The following FMN1 variants were observed in gnomAD, a reference collection of about 807,000 sequenced individuals.
FMN1 encodes the protein formin 1.
FMN1 carries 110 observed loss-of-function variants against 132.4 expected under a neutral mutation model. The observed-to-expected ratio is 0.83, with a 90% CI of 0.71 to 0.97. FMN1 has a LOEUF of 0.97. Ranked by LOEUF, FMN1 falls within the 50% of genes least tolerant of loss-of-function variation. FMN1 has a pLI of 0.00. For synonymous variants in FMN1, 722 were observed against 651.7 expected (o/e 1.11, Z -1.64); for missense variants, 1,792 against 1,705.3 (o/e 1.05, Z -0.90).
chr15:32,971,191 T>G (rs776511423), intron 7 of FMN1, among the ~76,000 whole-genome samples: 1 of 152,246 alleles, frequency 6.6e-6, no homozygotes, highest in Non-Finnish European at 1.5e-5. Context: ...TATAAAATAG[T>G]AGGCATTATG....
At chr15:32,857,719 T>A (rs1019426414) in intron 16 of FMN1, among the ~76,000 whole-genome samples, 1 of 152,232 alleles carries the variant, frequency 6.6e-6, no homozygotes, top group Non-Finnish European at 1.5e-5. Flanking sequence ...TTACTTCAGA[T>A]AGACTATCTA....
At chr15:32,979,793 A>G (rs1323266194) in intron 7 of FMN1, among the ~76,000 whole-genome samples, 1 of 152,156 alleles carries the variant, frequency 6.6e-6, no homozygotes, top group African/African-American at 2.4e-5. Flanking sequence ...AAAGCATACC[A>G]AAGTCATTTG....
intron 5 of FMN1, among the ~76,000 whole-genome samples, chr15:33,082,987 G>A (rs934381001): frequency 1.3e-5 from 2 of 152,120 alleles, no homozygotes; most frequent in Non-Finnish European, 2.9e-5. Context: ...TCTTTCCAGA[G>A]CTTTGTAGTT....
At chr15:32,963,889 A>G (rs750151803) in intron 9 of FMN1, among the ~76,000 whole-genome samples, 1 of 151,896 alleles carries the variant, frequency 6.6e-6, no homozygotes, top group Non-Finnish European at 1.5e-5. Context: ...GAAACCAGGG[A>G]AAGCACCAAC....
chr15:32,948,224 T>C (rs2061550886), intron 9 of FMN1, among the ~76,000 whole-genome samples: 1 of 152,054 alleles, frequency 6.6e-6, no homozygotes, highest in South Asian at 2.1e-4. Context: ...TTTTAATTAT[T>C]TATAAAAAGC....
intron 4 of FMN1, among the ~76,000 whole-genome samples, chr15:33,102,552 C>G (rs2039334708): frequency 6.6e-6 from 1 of 152,058 alleles, no homozygotes. Flanking sequence ...CCCTCCTTCT[C>G]CCTGTCTTCT....
intron 5 of FMN1, among the ~76,000 whole-genome samples, chr15:33,080,896 A>AC (rs2038428805): frequency 6.6e-6 from 1 of 152,050 alleles, no homozygotes; most frequent in African/African-American, 2.4e-5. Context: ...TCAAAAAAAA[A>AC]AAAAAATTCC....
chr15:32,967,080 C>A (rs2031309697), intron 8 of FMN1, among the ~76,000 whole-genome samples: 1 of 152,232 alleles, frequency 6.6e-6, no homozygotes, highest in South Asian at 2.1e-4. Context: ...ATGTCCTATT[C>A]ATCTACTTTT....
At chr15:33,101,274 T>C (rs1566915665) in intron 4 of FMN1, among the ~76,000 whole-genome samples, 1 of 152,122 alleles carries the variant, frequency 6.6e-6, no homozygotes, top group Non-Finnish European at 1.5e-5. Context: ...GCAAGTTGAG[T>C]ATACTGGAGG....
chr15:33,188,178 CA>C (rs56854679), intron 2 of FMN1, among the ~76,000 whole-genome samples: 135,129 of 148,506 alleles, frequency 0.91, 61,751 homozygotes, highest in East Asian at 0.98. Flanking sequence ...ACTAAAAATG[CA>C]AAAAAAAAAA....
At chr15:32,905,971 T>G (rs1261021668) in intron 12 of FMN1, among the ~76,000 whole-genome samples, 1 of 152,202 alleles carries the variant, frequency 6.6e-6, no homozygotes, top group African/African-American at 2.4e-5. Context: ...CAGTCCTTTT[T>G]GCTGGGTTTG....
rs1484366684 is a variant in FMN1, at chr15:32,770,215, TG to T, written c.*4094del. On this transcript the variant is annotated 3_prime_UTR_variant, in exon 21 of 21. Coordinates refer to ENST00000616417, the MANE Select transcript of FMN1 (RefSeq NM_001277313.2). ...CCGGTCAATGTTACAGCCTGGTTCC[TG>T]GAAAAAGAGCCTGCAAGCGTGCATT... The T allele has an allele frequency of 1.3e-5, 2 of 152,190 alleles. No individual in the cohort carries two copies. The highest frequency in any genetic ancestry group is 4.8e-5 in the African/African-American group (2 of 41,442). The allele number at this position is 152,190 out of a possible 1,614,324, so 9.4% of individuals were successfully genotyped here. A position where few individuals can be genotyped will look rare whatever the true frequency, so the allele number is the denominator to read the frequency against.
intron 11 of FMN1, 45 bp from the exon 12 acceptor site, chr15:32,908,623 A>G (rs765324192): frequency 1.4e-4 from 131 of 922,278 alleles, no homozygotes; most frequent in East Asian, 1.0e-3. Flanking sequence ...AAAAAAAAAA[A>G]GGGAAGTGAG....
At chr15:32,952,255 A>T (rs1315367285) in intron 9 of FMN1, among the ~76,000 whole-genome samples, 1 of 152,246 alleles carries the variant, frequency 6.6e-6, no homozygotes, top group Non-Finnish European at 1.5e-5. Flanking sequence ...AGTATGCTTT[A>T]GGCGTTTTAC....
chr15:33,088,686 A>G, intron 5 of FMN1, 113 bp downstream of exon 5: 1 of 948,236 alleles, frequency 1.1e-6, no homozygotes, highest in Non-Finnish European at 1.5e-6. Context: ...TTTTTAAACA[A>G]TGATCCATAC....
chr15:32,994,212 C>CCT lies in FMN1; in HGVS notation c.2223+13800_2223+13801dup, dbSNP rs771176022. Among the ~76,000 whole-genome samples the CCT allele has an allele frequency of 7.8e-3, 1,144 of 146,484 alleles. 3 individuals carry two copies. The highest frequency in any genetic ancestry group is 0.041 in the Middle Eastern group (12 of 290). On this transcript the variant is annotated intron_variant, in intron 7 of 20. Transcript: ENST00000616417. ...AATAAATTGTTGAATAGAACTCATT[C>CCT]CTCTCTCTCTCTCTCTCTCTCACAC...
At chr15:32,889,409 A>C (rs1019286961) in intron 15 of FMN1, among the ~76,000 whole-genome samples, 27 of 152,078 alleles carry the variant, frequency 1.8e-4, no homozygotes, top group Admixed American at 3.9e-4. Context: ...GCTTTCCTTC[A>C]CATTCCATCT....
chr15:33,008,142 T>TC, intron 6 of FMN1, 67 bp from the exon 7 acceptor site: 1 of 1,227,606 alleles, frequency 8.1e-7, no homozygotes, highest in Non-Finnish European at 1.2e-6. Flanking sequence ...TATCTACTGG[T>TC]CCTCTTAGAA....
At chr15:33,035,611 A>ACTTCTCAGTGAGGCCTGC (rs1292774046) in intron 6 of FMN1, among the ~76,000 whole-genome samples, 1 of 152,088 alleles carries the variant, frequency 6.6e-6, no homozygotes, top group Non-Finnish European at 1.5e-5. Context: ...TCAAATGTCA[A>ACTTCTCAGTGAGGCCTGC]CTTCTCAGTG....
Sources: gnomAD v4.1 joint callset for allele counts (sites outside exome capture counted in the v4.1 genomes callset) on GRCh38, gnomAD v4.1.1 for gene constraint, MANE v1.5 for transcripts, NCBI Gene and HGNC (gene_info 2026-07-23, HGNC 2026-07-21) for gene names.